Variants in CCDC85C observed in about 807,000 individuals in gnomAD.
The protein encoded by CCDC85C is coiled-coil domain-containing protein 85C.
Under a neutral mutation model 38.3 loss-of-function variants are expected in CCDC85C, and 18 were observed. The observed-to-expected ratio is 0.47, with a 90% confidence interval of 0.33 to 0.70. The LOEUF (loss-of-function observed/expected upper bound fraction) is 0.70. CCDC85C is among the 30% of genes least tolerant of loss of function. CCDC85C has a pLI of 0.03. For missense variants in CCDC85C, 566 were observed against 621.2 expected, an observed-to-expected ratio of 0.91 and a Z score of 0.94; for synonymous variants, 264 against 293.8, an observed-to-expected ratio of 0.90 and a Z score of 1.04.
At chr14:99,567,274 A>G (rs1187414209) in intron 1 of CCDC85C, among the ~76,000 whole-genome samples, 1 of 152,192 alleles carries the variant, frequency 6.6e-6, no homozygotes, top group Non-Finnish European at 1.5e-5. Context: ...CACTGTGATA[A>G]GGATGTGGCC....
chr14:99,538,817 C>T (rs1433008478), intron 1 of CCDC85C, among the ~76,000 whole-genome samples: 1 of 152,232 alleles, frequency 6.6e-6, no homozygotes, highest in Non-Finnish European at 1.5e-5. Context: ...AGACAGTGAT[C>T]AGGCTGGCAG....
At chr14:99,585,680 G>A (rs1339253029) in intron 1 of CCDC85C, among the ~76,000 whole-genome samples, 1 of 152,208 alleles carries the variant, frequency 6.6e-6, no homozygotes, top group Non-Finnish European at 1.5e-5. Context: ...GTGGCACGTG[G>A]GTCTGCTGCC....
intron 1 of CCDC85C, among the ~76,000 whole-genome samples, chr14:99,594,811 T>C (rs1386950259): frequency 6.6e-6 from 1 of 152,178 alleles, no homozygotes; most frequent in Non-Finnish European, 1.5e-5. Flanking sequence ...TGGTTCTGTC[T>C]GGATCGTCCA....
At chr14:99,566,899 T>C (rs1275236790) in intron 1 of CCDC85C, among the ~76,000 whole-genome samples, 1 of 152,150 alleles carries the variant, frequency 6.6e-6, no homozygotes, top group Non-Finnish European at 1.5e-5. Context: ...TGGCTTCCAC[T>C]CTCAAGGTGG....
chr14:99,581,824 T>C (rs940701011), intron 1 of CCDC85C, among the ~76,000 whole-genome samples: 2 of 152,154 alleles, frequency 1.3e-5, no homozygotes, highest in Non-Finnish European at 2.9e-5. Flanking sequence ...GGCTGCGTGG[T>C]GGATAAGGAG....
At chr14:99,602,424 A>G (rs1415899016) in intron 1 of CCDC85C, among the ~76,000 whole-genome samples, 3 of 152,264 alleles carry the variant, frequency 2.0e-5, no homozygotes, top group Non-Finnish European at 4.4e-5. Context: ...AAATCCCTTC[A>G]GAAGGTTTAT....
chr14:99,570,889 G>A (rs1039209457), intron 1 of CCDC85C, among the ~76,000 whole-genome samples: 6 of 152,060 alleles, frequency 3.9e-5, no homozygotes, highest in African/African-American at 9.7e-5. Flanking sequence ...GGTGGTCCCA[G>A]GAAATGGAAA....
chr14:99,586,200 G>A (rs1467820051), intron 1 of CCDC85C, among the ~76,000 whole-genome samples: 5 of 152,144 alleles, frequency 3.3e-5, no homozygotes, highest in African/African-American at 4.8e-5. Context: ...CTCTGCCCCC[G>A]CCCCTCCCTA....
chr14:99,593,214 T>C (rs1187049087), intron 1 of CCDC85C, among the ~76,000 whole-genome samples: 2 of 152,238 alleles, frequency 1.3e-5, no homozygotes, highest in Non-Finnish European at 2.9e-5. Context: ...AAGGAGCCTC[T>C]GATTCCTAGA....
chr14:99,507,325 C>T lies in CCDC85C; in HGVS notation c.*7921G>A, dbSNP rs1480296017. 6 of 611,538 alleles carry T rather than the reference C, an allele frequency of 9.8e-6. No individual in the cohort carries two copies. The highest frequency in any genetic ancestry group is 1.2e-5 in the Non-Finnish European group (4 of 339,784). 37.9% of individuals were successfully genotyped at this position (611,538 alleles called of 1,614,324 possible). On this transcript the variant is annotated 3_prime_UTR_variant, in exon 6 of 6. Coordinates refer to ENST00000380243, the MANE Select transcript of CCDC85C (RefSeq NM_001144995.2). Reference sequence around the variant, plus strand: ...GGCACAATGGCTTGTGTTTTTGATCCCAGCACTTTGGGAGGCGGAGGCAGG... The same window carrying T: ...GGCACAATGGCTTGTGTTTTTGATCTCAGCACTTTGGGAGGCGGAGGCAGG...
chr14:99,537,893 G>A (rs746591288), intron 1 of CCDC85C, among the ~76,000 whole-genome samples: 2 of 152,174 alleles, frequency 1.3e-5, no homozygotes, highest in Non-Finnish European at 2.9e-5. Context: ...GAGGTAGGGT[G>A]CAGCCTAGGC....
At chr14:99,557,310 G>A (rs973913730) in intron 1 of CCDC85C, among the ~76,000 whole-genome samples, 5 of 152,188 alleles carry the variant, frequency 3.3e-5, no homozygotes, top group East Asian at 1.9e-4. Context: ...CTCAGAGATC[G>A]TCTACCAGGT....
intron 1 of CCDC85C, among the ~76,000 whole-genome samples, chr14:99,554,855 C>A (rs1897980664): frequency 1.3e-5 from 2 of 152,240 alleles, no homozygotes; most frequent in Non-Finnish European, 2.9e-5. Context: ...GAGCAGGTTT[C>A]TTTCCCTCTC....
intron 1 of CCDC85C, among the ~76,000 whole-genome samples, chr14:99,597,347 T>C (rs1299568744): frequency 6.6e-6 from 1 of 152,190 alleles, no homozygotes; most frequent in Non-Finnish European, 1.5e-5. Context: ...TTCAACCAGA[T>C]TGGATTGAAC....
rs970931978 is a variant in CCDC85C at position 99,572,466 on chromosome 14, A to G, written c.793+30701T>C. Among the ~76,000 whole-genome samples the G allele has an allele frequency of 2.6e-5, 4 of 151,776 alleles. No homozygotes were observed. The highest frequency in any genetic ancestry group is 1.3e-4 in the Admixed American group (2 of 15,234). On this transcript the variant is annotated intron_variant, in intron 1 of 5. Coordinates refer to ENST00000380243, the MANE Select transcript of CCDC85C (RefSeq NM_001144995.2). This position sits in a 1 kb window ranked among gnomAD's most constrained non-coding sequence, Gnocchi z 4.4. ...GGAAGCCAGAGGGCCTCACAAGTAT[A>G]AATGATCAGGTATCACACCTCCGCC...
Position 99,540,584 on chromosome 14 carries a change from C to T in CCDC85C, c.794-4496G>A, listed in dbSNP as rs1341152206. Among the ~76,000 whole-genome samples, 3 of 152,238 alleles carry T rather than the reference C, an allele frequency of 2.0e-5. No individual in the cohort carries two copies. The East Asian group carries it at 5.8e-4, about 29-fold the overall frequency. On this transcript the variant is annotated intron_variant, in intron 1 of 5. Coordinates refer to ENST00000380243, the MANE Select transcript of CCDC85C (RefSeq NM_001144995.2). ...GGGACATCATTTCCCAGCTTGGCTG[C>T]CTGAGGGCAAAATGAGGGAGGTGAC... is the stretch of plus-strand genomic sequence containing the variant.
At chr14:99,529,365 T>C (rs1057419386) in intron 2 of CCDC85C, among the ~76,000 whole-genome samples, 2 of 152,020 alleles carry the variant, frequency 1.3e-5, no homozygotes, top group East Asian at 3.8e-4. Flanking sequence ...CAGTTTTGTG[T>C]GTGTGTGTGT....
intron 1 of CCDC85C, among the ~76,000 whole-genome samples, chr14:99,586,609 C>G (rs566361020): frequency 6.6e-6 from 1 of 152,340 alleles, no homozygotes; most frequent in South Asian, 2.1e-4. Context: ...GAGGGTTCCT[C>G]CTCCTGAAGC....
intron 1 of CCDC85C, among the ~76,000 whole-genome samples, chr14:99,541,647 G>A (rs1018505991): frequency 2.6e-5 from 4 of 152,120 alleles, no homozygotes; most frequent in African/African-American, 9.7e-5. Flanking sequence ...GAGTATTAAC[G>A]TCCCAGCACT....
Sources: gnomAD v4.1 joint callset for allele counts (sites outside exome capture counted in the v4.1 genomes callset) on GRCh38, gnomAD v4.1.1 for gene constraint, Gnocchi (gnomAD v3.1) non-coding constraint, MANE v1.5 for transcripts, NCBI Gene and HGNC (gene_info 2026-07-23, HGNC 2026-07-21) for gene names.